LDLRAD4: variants seen among roughly 807,000 people sequenced by gnomAD.
LDLRAD4 encodes the protein low density lipoprotein receptor class A domain containing 4.
LDLRAD4 carries 5 observed loss-of-function variants against 17.0 expected under a neutral mutation model. The observed-to-expected ratio is 0.29, with a 90% CI of 0.15 to 0.62. The LOEUF (loss-of-function observed/expected upper bound fraction) is 0.62, where lower values mean the gene tolerates loss of function less well. LDLRAD4 is among the 20% of genes least tolerant of loss of function. The probability of loss-of-function intolerance (pLI) is 0.84; values close to 1 mark genes in which losing one functional copy is unlikely to be tolerated. For missense variants in LDLRAD4, 340 were observed against 424.7 expected (o/e 0.80, Z 1.75); for synonymous variants, 168 against 171.8 (o/e 0.98, Z 0.17).
chr18:13,578,913 G>A (rs914111183), intron 3 of LDLRAD4, among the ~76,000 whole-genome samples: 1 of 135,884 alleles, frequency 7.4e-6, no homozygotes. Context: ...CTATTTGGCC[G>A]GGCGCAGTGG....
chr18:13,449,381 C>T (rs7233936), intron 3 of LDLRAD4, among the ~76,000 whole-genome samples: 113,490 of 152,164 alleles, frequency 0.75, 43,352 homozygotes, highest in Non-Finnish European at 0.82. Flanking sequence ...GGGCTGTGGG[C>T]ATCAGCACTT....
At chr18:13,221,255 C>T (rs981669891) in intron 1 of LDLRAD4, among the ~76,000 whole-genome samples, 1 of 152,200 alleles carries the variant, frequency 6.6e-6, no homozygotes, top group Admixed American at 6.5e-5. Flanking sequence ...TGAATAGCGG[C>T]AAAATTGCTA....
At chr18:13,263,255 G>A (rs912701442) in intron 1 of LDLRAD4, among the ~76,000 whole-genome samples, 12 of 150,046 alleles carry the variant, frequency 8.0e-5, no homozygotes, top group Non-Finnish European at 1.5e-4. Flanking sequence ...GCTCTGCGTG[G>A]AAACCGAATC....
intron 2 of LDLRAD4, among the ~76,000 whole-genome samples, chr18:13,415,664 C>A (rs1192363319): frequency 1.3e-5 from 2 of 152,206 alleles, no homozygotes; most frequent in East Asian, 3.9e-4. Flanking sequence ...ACTAGAGAGG[C>A]AAACCTCACC....
chr18:13,650,122 G>A (rs1036255354), exon 6 of LDLRAD4: 31 of 398,590 alleles, frequency 7.8e-5, no homozygotes, highest in Non-Finnish European at 1.1e-4. Flanking sequence ...ACAATGGAAA[G>A]CACTCTTAGC....
At chr18:13,399,807 G>A (rs2087010251) in intron 2 of LDLRAD4, among the ~76,000 whole-genome samples, 1 of 152,122 alleles carries the variant, frequency 6.6e-6, no homozygotes. Flanking sequence ...AACAAGCCTC[G>A]GATTCTTGAA....
chr18:13,272,115 C>T (rs941943627), intron 1 of LDLRAD4, among the ~76,000 whole-genome samples: 28 of 152,144 alleles, frequency 1.8e-4, no homozygotes, highest in Non-Finnish European at 1.6e-4. Flanking sequence ...AGGATGGTCT[C>T]GATCTCTTGA....
intron 1 of LDLRAD4, among the ~76,000 whole-genome samples, chr18:13,385,560 G>T (rs1386975084): frequency 1.3e-5 from 2 of 152,194 alleles, no homozygotes; most frequent in Non-Finnish European, 2.9e-5. Context: ...CCTCCCTGCA[G>T]TTTGGTTTTC....
At chr18:13,474,814 T>C (rs143260053) in intron 3 of LDLRAD4, among the ~76,000 whole-genome samples, 266 of 152,272 alleles carry the variant, frequency 1.7e-3, no homozygotes, top group African/African-American at 6.1e-3. Context: ...TGACTCGGGA[T>C]TTTTGGGTGG....
At chr18:13,490,505 T>A (rs2093336431) in intron 3 of LDLRAD4, 2 of 152,232 alleles carry the variant, frequency 1.3e-5, no homozygotes, top group South Asian at 4.1e-4. Context: ...AAAATTACAT[T>A]GAAATGGAAC....
At chr18:13,360,412 A>G (rs960027235) in intron 1 of LDLRAD4, among the ~76,000 whole-genome samples, 1 of 152,228 alleles carries the variant, frequency 6.6e-6, no homozygotes. Flanking sequence ...GCCAGCGAGG[A>G]TAAAGCAGCG....
chr18:13,638,657 A>G (rs1164180301), intron 4 of LDLRAD4, among the ~76,000 whole-genome samples: 1 of 152,226 alleles, frequency 6.6e-6, no homozygotes, highest in African/African-American at 2.4e-5. Flanking sequence ...TGGTCCTTAT[A>G]ATGGTCAAAC....
intron 2 of LDLRAD4, among the ~76,000 whole-genome samples, chr18:13,408,357 G>A (rs1392064760): frequency 7.6e-6 from 1 of 131,594 alleles, no homozygotes; most frequent in Non-Finnish European, 1.6e-5. Context: ...CTGGCTGACA[G>A]AGTGAGACCC....
intron 2 of LDLRAD4, among the ~76,000 whole-genome samples, chr18:13,428,101 G>T (rs1278209673): frequency 6.6e-6 from 1 of 152,196 alleles, no homozygotes; most frequent in Non-Finnish European, 1.5e-5. Flanking sequence ...CCCTCATGTA[G>T]TTTATGCTCT....
At chr18:13,271,438 C>T (rs1219360219) in intron 1 of LDLRAD4, among the ~76,000 whole-genome samples, 1 of 152,190 alleles carries the variant, frequency 6.6e-6, no homozygotes, top group Non-Finnish European at 1.5e-5. Context: ...GCTTCCAGCG[C>T]ACTTTCTGGG....
chr18:13,305,114 CAAAGTT>C (rs1237859050), intron 1 of LDLRAD4, among the ~76,000 whole-genome samples: 2 of 151,682 alleles, frequency 1.3e-5, no homozygotes, highest in African/African-American at 4.9e-5. Flanking sequence ...AAAATTAAGA[CAAAGTT>C]AGGCATGTCA....
intron 1 of LDLRAD4, among the ~76,000 whole-genome samples, chr18:13,317,244 G>T (rs2080982002): frequency 6.6e-6 from 1 of 152,092 alleles, no homozygotes; most frequent in African/African-American, 2.4e-5. Flanking sequence ...CCACAAAAAA[G>T]ATATTTCTTA....
chr18:13,473,053 G>A (rs575412707), intron 3 of LDLRAD4, among the ~76,000 whole-genome samples: 1 of 152,170 alleles, frequency 6.6e-6, no homozygotes, highest in Admixed American at 6.5e-5. Context: ...ATACTTTATG[G>A]GAATACACTG....
chr18:13,301,504 C>T (rs1006959426), intron 1 of LDLRAD4, among the ~76,000 whole-genome samples: 2 of 152,162 alleles, frequency 1.3e-5, no homozygotes, highest in Non-Finnish European at 2.9e-5. Flanking sequence ...CTGTGGGTCA[C>T]GTCTGCACCC....
Sources: gnomAD v4.1 joint callset for allele counts (sites outside exome capture counted in the v4.1 genomes callset) on GRCh38, gnomAD v4.1.1 for gene constraint, MANE v1.5 for transcripts, NCBI Gene and HGNC (gene_info 2026-07-23, HGNC 2026-07-21) for gene names.